ANO1: variants seen among roughly 807,000 people sequenced by gnomAD.
ANO1 encodes the protein anoctamin-1.
Under a neutral mutation model 124.0 loss-of-function variants are expected in ANO1, and 59 were observed. The observed-to-expected ratio is 0.48, with a 90% CI of 0.39 to 0.59. The LOEUF is 0.59. Among genes scored for constraint, ANO1 ranks in the 20% least tolerant of loss-of-function variants. ANO1 has a pLI of 0.00. For missense variants in ANO1, 1,059 were observed against 1,328.0 expected (o/e 0.80, Z 3.15); for synonymous variants, 529 against 532.0 (o/e 0.99, Z 0.08).
upstream of ANO1, among the ~76,000 whole-genome samples, chr11:69,981,544 T>C (rs914479958): frequency 6.6e-6 from 1 of 152,250 alleles, no homozygotes; most frequent in Non-Finnish European, 1.5e-5. Context: ...CTGCTTCAGC[T>C]GCAGGTCCTC....
chr11:70,046,898 A>G (rs1317634633), intron 1 of ANO1, among the ~76,000 whole-genome samples: 1 of 151,986 alleles, frequency 6.6e-6, no homozygotes, highest in Non-Finnish European at 1.5e-5. Context: ...ACACGGTGAA[A>G]CCCTGTCTCT....
At chr11:70,117,096 CTTTCTTTTTTTT>C (rs1202514363) in intron 8 of ANO1, among the ~76,000 whole-genome samples, 2 of 75,966 alleles carry the variant, frequency 2.6e-5, no homozygotes, top group African/African-American at 9.6e-5. Flanking sequence ...TTCTTTGTTT[CTTTCTTTTTTTT>C]TTTTTTTTTT....
At position 70,130,987 on chromosome 11, in the gene ANO1, T is replaced by C. The variant is rs189553093; in HGVS notation, c.1098-932T>C. Among the ~76,000 whole-genome samples, 189 of 152,340 alleles carry C rather than the reference T, an allele frequency of 1.2e-3. 1 individual carries two copies. The highest frequency in any genetic ancestry group is 4.4e-3 in the African/African-American group (181 of 41,586). On this transcript the variant is annotated intron_variant, in intron 10 of 25. Transcript: ENST00000355303. ...GTGTGAACCGCTCATAGACGGCGCC[T>C]GGCACAGAGCAAGGGCCCTCATCAT...
chr11:70,003,253 T>A (rs782239615), intron 1 of ANO1, among the ~76,000 whole-genome samples: 15 of 152,204 alleles, frequency 9.9e-5, no homozygotes, highest in Non-Finnish European at 1.6e-4. Flanking sequence ...AAGACAGCTT[T>A]ACTCATAATC....
chr11:69,991,458 C>T (rs872839), intron 1 of ANO1, among the ~76,000 whole-genome samples: 21,666 of 152,060 alleles, frequency 0.14, 1,613 homozygotes, highest in African/African-American at 0.17. Context: ...GAGGAGCCTG[C>T]CCCCCTGTCC....
chr11:70,038,284 G>A (rs1857126923), intron 1 of ANO1, among the ~76,000 whole-genome samples: 1 of 151,992 alleles, frequency 6.6e-6, no homozygotes, highest in Admixed American at 6.6e-5. Flanking sequence ...TCTTTTCTTT[G>A]TTCTCTTTCC....
At chr11:69,984,376 GGACTGAAACGAGATC>G (rs1554996612), upstream of ANO1, among the ~76,000 whole-genome samples, 4 of 3,622 alleles carry the variant, frequency 1.1e-3, no homozygotes, top group Non-Finnish European at 1.5e-3. Flanking sequence ...TTTTGAGTCC[GGACTGAAACGAGATC>G]ATTTCTGAGT....
chr11:69,988,944 AGAAG>A (rs368526301), intron 1 of ANO1, among the ~76,000 whole-genome samples: 21 of 149,172 alleles, frequency 1.4e-4, no homozygotes, highest in Admixed American at 5.3e-4. Flanking sequence ...AAGGAAGGAA[AGAAG>A]GAAGGAAGGA....
At chr11:70,009,720 C>T (rs1463529122) in intron 1 of ANO1, among the ~76,000 whole-genome samples, 5 of 152,044 alleles carry the variant, frequency 3.3e-5, no homozygotes, top group African/African-American at 1.2e-4. Context: ...GGGGATGAGC[C>T]TGTGCAGATA....
chr11:69,997,979 T>C (rs908265233), intron 1 of ANO1, among the ~76,000 whole-genome samples: 1 of 152,170 alleles, frequency 6.6e-6, no homozygotes, highest in Non-Finnish European at 1.5e-5. Context: ...AATATTTCTT[T>C]ATAGCAGTGC....
intron 1 of ANO1, among the ~76,000 whole-genome samples, chr11:70,011,325 T>C (rs899545158): frequency 5.9e-5 from 9 of 152,112 alleles, no homozygotes; most frequent in Non-Finnish European, 1.0e-4. Flanking sequence ...TCAGGACATT[T>C]AGTGCCTGTC....
intron 1 of ANO1, among the ~76,000 whole-genome samples, chr11:70,049,624 G>A (rs1226048148): frequency 6.6e-6 from 1 of 152,206 alleles, no homozygotes; most frequent in African/African-American, 2.4e-5. Flanking sequence ...CAGGAAGTGA[G>A]TGAATGAACG....
intron 2 of ANO1, among the ~76,000 whole-genome samples, chr11:70,093,628 A>C (rs1177690119): frequency 1.3e-5 from 2 of 152,144 alleles, no homozygotes; most frequent in Non-Finnish European, 2.9e-5. Context: ...ACCCTATAAA[A>C]GTCTGTTTGC....
chr11:69,982,026 G>T (rs1855963930), upstream of ANO1, among the ~76,000 whole-genome samples: 2 of 152,196 alleles, frequency 1.3e-5, no homozygotes, highest in South Asian at 4.1e-4. Flanking sequence ...CAGGGACTGG[G>T]GGAGGGGGGA....
chr11:70,159,608 C>T (rs183186682), intron 16 of ANO1, among the ~76,000 whole-genome samples: 6 of 152,258 alleles, frequency 3.9e-5, no homozygotes, highest in Admixed American at 6.5e-5. Flanking sequence ...CCTGGGGATG[C>T]GGGGGAGATG....
At chr11:70,140,390 G>T (rs550292943) in intron 11 of ANO1, among the ~76,000 whole-genome samples, 67 of 152,242 alleles carry the variant, frequency 4.4e-4, no homozygotes, top group African/African-American at 1.6e-3. Context: ...AATTAGCCGA[G>T]CGTGGTGGCA....
chr11:70,093,248 C>T (rs1462534458), intron 2 of ANO1, among the ~76,000 whole-genome samples: 1 of 146,338 alleles, frequency 6.8e-6, no homozygotes, highest in Non-Finnish European at 1.5e-5. Flanking sequence ...TTTCACTCTA[C>T]CCCCTCTCAC....
chr11:70,139,872 T>C (rs552745754), intron 11 of ANO1, among the ~76,000 whole-genome samples: 4 of 152,256 alleles, frequency 2.6e-5, no homozygotes, highest in African/African-American at 9.6e-5. Flanking sequence ...CCGCGGGCAT[T>C]ACTAACTGGC....
chr11:69,996,528 G>T (rs1475438512), intron 1 of ANO1, among the ~76,000 whole-genome samples: 1 of 152,166 alleles, frequency 6.6e-6, no homozygotes, highest in Non-Finnish European at 1.5e-5. Flanking sequence ...ATTGGAACAG[G>T]TGTTTTTCTG....
Sources: allele counts gnomAD v4.1 joint callset (sites outside exome capture counted in the v4.1 genomes callset), GRCh38; gene constraint gnomAD v4.1.1; transcripts MANE v1.5; gene names NCBI Gene and HGNC (gene_info 2026-07-23, HGNC 2026-07-21).